Variants in CSMD3 observed in about 807,000 individuals in gnomAD.
CSMD3 encodes CUB and sushi domain-containing protein 3.
Under a neutral mutation model 435.2 loss-of-function variants are expected in CSMD3, and 177 were observed. The ratio of observed to expected loss-of-function variants is 0.41; its 90% confidence interval spans 0.36 to 0.46. CSMD3 has a LOEUF of 0.46. CSMD3 is among the 20% of genes least tolerant of loss of function. The pLI, the probability that CSMD3 is intolerant of heterozygous loss-of-function variation, is 0.34. For missense variants in CSMD3, 4,265 were observed against 4,504.6 expected, an observed-to-expected ratio of 0.95 and a Z score of 1.52; for synonymous variants, 1,656 against 1,520.5, an observed-to-expected ratio of 1.09 and a Z score of -2.07.
intron 24 of CSMD3, among the ~76,000 whole-genome samples, chr8:112,557,400 A>C (rs2131229210): frequency 6.6e-6 from 1 of 152,050 alleles, no homozygotes; most frequent in African/African-American, 2.4e-5. Flanking sequence ...TCCATACCTA[A>C]GTTTCTATAA....
chr8:113,234,989 G>GA (rs2093131290), intron 3 of CSMD3, among the ~76,000 whole-genome samples: 1 of 152,060 alleles, frequency 6.6e-6, no homozygotes, highest in Non-Finnish European at 1.5e-5. Flanking sequence ...TCTAGGCAGA[G>GA]AATGTATAAA....
intron 35 of CSMD3, among the ~76,000 whole-genome samples, chr8:112,395,190 T>C (rs1023460157): frequency 3.3e-5 from 5 of 152,176 alleles, no homozygotes; most frequent in African/African-American, 1.2e-4. Flanking sequence ...AATATGTGGA[T>C]TAATAGAGCA....
Position 112,573,529 on chromosome 8 carries a change from T to G in CSMD3, c.4014A>C (p.Thr1338=). The change falls in exon 24 of 71, where the codon ACA becomes ACC. Residue 1338 remains threonine, a synonymous_variant. Transcript: ENST00000297405. ...WLEFNSDTEG[T]DEGFQLVYTS... is the part of the protein sequence containing the mutation. ...TATACACAAGTTGAAAGCCTTCATC[T>G]GTCCCTTCAGTATCGGAATTAAATT... The G allele has an allele frequency of 6.2e-7, 1 of 1,613,586 alleles. No homozygotes were observed. The highest frequency in any genetic ancestry group is 8.5e-7 in the Non-Finnish European group (1 of 1,179,608).
intron 5 of CSMD3, among the ~76,000 whole-genome samples, chr8:113,091,514 A>G (rs902621356): frequency 8.6e-5 from 13 of 152,036 alleles, no homozygotes; most frequent in Admixed American, 2.6e-4. Flanking sequence ...GTATGTGTCT[A>G]GTAATTTAAC....
Position 112,702,217 on chromosome 8 carries a change from C to A in CSMD3, c.1973-12167G>T, listed in dbSNP as rs75021732. Among the ~76,000 whole-genome samples, 248 of 152,226 alleles carry A rather than the reference C, an allele frequency of 1.6e-3. 1 individual carries two copies. Among genetic ancestry groups the A allele is most frequent in the African/African-American group, 5.8e-3 (241 of 41,560 alleles). On this transcript the variant is annotated intron_variant, in intron 13 of 70. Coordinates refer to ENST00000297405, the MANE Select transcript of CSMD3 (RefSeq NM_198123.2). ...AAGTTAAAGGATTTGTCCAACGACACACAAATTTTAAGTGGCAGAGCTGGC... is the reference window on the plus strand; with the variant it reads ...AAGTTAAAGGATTTGTCCAACGACAAACAAATTTTAAGTGGCAGAGCTGGC...
chr8:113,182,981 C>A (rs1317870969), intron 3 of CSMD3, among the ~76,000 whole-genome samples: 5 of 152,076 alleles, frequency 3.3e-5, no homozygotes, highest in African/African-American at 1.2e-4. Context: ...CAATACATAA[C>A]CCCATGTGGG....
intron 63 of CSMD3, among the ~76,000 whole-genome samples, chr8:112,251,141 T>A (rs1334260388): frequency 6.6e-6 from 1 of 151,778 alleles, no homozygotes; most frequent in Admixed American, 6.6e-5. Context: ...TTAACTGGAG[T>A]ATCCAGCATG....
intron 12 of CSMD3, among the ~76,000 whole-genome samples, chr8:112,814,013 C>CCT: frequency 6.6e-6 from 1 of 152,182 alleles, no homozygotes. Flanking sequence ...CCCTTATCTG[C>CCT]CTCTTGCACT....
intron 3 of CSMD3, among the ~76,000 whole-genome samples, chr8:113,240,099 G>A (rs2093197117): frequency 6.6e-6 from 1 of 152,026 alleles, no homozygotes; most frequent in Admixed American, 6.6e-5. Flanking sequence ...GTGAGAACAT[G>A]CAGTATTTGT....
chr8:113,337,369 G>A (rs533634271), intron 1 of CSMD3, among the ~76,000 whole-genome samples: 3 of 152,020 alleles, frequency 2.0e-5, no homozygotes, highest in Admixed American at 1.3e-4. Context: ...TTTTAATAAG[G>A]GTGACAAGAA....
intron 62 of CSMD3, 131 bp downstream of exon 62, chr8:112,255,123 T>A (rs1815651898): frequency 1.4e-6 from 1 of 691,344 alleles, no homozygotes; most frequent in Non-Finnish European, 2.5e-6. Flanking sequence ...CAGTGCCTTC[T>A]AATTGCTTCT....
chr8:113,368,272 G>A (rs542911282), intron 1 of CSMD3, among the ~76,000 whole-genome samples: 1 of 152,202 alleles, frequency 6.6e-6, no homozygotes, highest in Admixed American at 6.5e-5. Flanking sequence ...CCCATGCGAT[G>A]TCAACCTCAG....
chr8:113,238,315 T>C (rs1192353864), intron 3 of CSMD3, among the ~76,000 whole-genome samples: 2 of 152,124 alleles, frequency 1.3e-5, no homozygotes, highest in Admixed American at 6.6e-5. Context: ...GCCAGCGGCT[T>C]TGCTTCATGT....
chr8:113,351,720 A>T (rs982380583), intron 1 of CSMD3, among the ~76,000 whole-genome samples: 1 of 152,116 alleles, frequency 6.6e-6, no homozygotes, highest in Admixed American at 6.6e-5. Context: ...AAGTCTTAGA[A>T]AAACCTATGA....
At chr8:113,198,478 A>T (rs1379443922) in intron 3 of CSMD3, among the ~76,000 whole-genome samples, 3 of 151,304 alleles carry the variant, frequency 2.0e-5, no homozygotes, top group African/African-American at 7.3e-5. Context: ...TGGAGCTGAT[A>T]AACATACACA....
chr8:112,618,669 G>A (rs927148422), intron 22 of CSMD3, among the ~76,000 whole-genome samples: 9 of 56,046 alleles, frequency 1.6e-4, no homozygotes, highest in African/African-American at 1.3e-3. Flanking sequence ...TGGCAATGAG[G>A]AGTAAGGACC....
At chr8:113,168,331 G>C (rs2092194345) in intron 4 of CSMD3, among the ~76,000 whole-genome samples, 2 of 151,728 alleles carry the variant, frequency 1.3e-5, no homozygotes, top group Admixed American at 1.3e-4. Context: ...TCAAGACCTG[G>C]CCAACATGGT....
intron 16 of CSMD3, among the ~76,000 whole-genome samples, chr8:112,680,309 A>T (rs2075861332): frequency 6.6e-6 from 1 of 152,148 alleles, no homozygotes; most frequent in South Asian, 2.1e-4. Flanking sequence ...AGTCAGCAGA[A>T]ATGGTGCCAC....
At chr8:113,162,231 G>A (rs1287797070) in intron 4 of CSMD3, among the ~76,000 whole-genome samples, 2 of 151,952 alleles carry the variant, frequency 1.3e-5, no homozygotes, top group South Asian at 2.1e-4. Context: ...GAAAGAGGAA[G>A]TTGTATAATC....
Sources: allele counts gnomAD v4.1 joint callset (sites outside exome capture counted in the v4.1 genomes callset), GRCh38; gene constraint gnomAD v4.1.1; transcripts MANE v1.5; gene names NCBI Gene and HGNC (gene_info 2026-07-23, HGNC 2026-07-21).